The following DBF4B variants were observed in gnomAD, a reference collection of about 807,000 sequenced individuals.
The protein encoded by DBF4B is protein DBF4 homolog B.
Under a neutral mutation model 53.4 loss-of-function variants are expected in DBF4B, and 49 were observed. That is an observed-to-expected ratio of 0.92 (90% CI 0.73 to 1.16). The LOEUF is 1.16. Ranked by LOEUF, DBF4B falls within the 50% of genes most tolerant of loss-of-function variation. The pLI, the probability that DBF4B is intolerant of heterozygous loss-of-function variation, is 0.00. For synonymous variants in DBF4B, 257 were observed against 288.7 expected, an observed-to-expected ratio of 0.89 and a Z score of 1.11; for missense variants, 692 against 775.0, an observed-to-expected ratio of 0.89 and a Z score of 1.27.
In DBF4B at chr17:44,752,068, CGGCAGATGT is replaced by C; in HGVS notation, c.*817_*825del. 1 of 1,373,262 alleles carries C rather than the reference CGGCAGATGT, an allele frequency of 7.3e-7. No homozygotes were observed. Among genetic ancestry groups the C allele is most frequent in the Non-Finnish European group, 1.0e-6 (1 of 999,406 alleles). 85.1% of individuals were successfully genotyped at this position (1,373,262 alleles called of 1,614,324 possible). On this transcript the variant is annotated 3_prime_UTR_variant, in exon 14 of 14. Transcript: ENST00000315005. ...TCTTCTCGCTGAGCCTTTCACTTCT[CGGCAGATGT>C]GACCGATTGGTAGCTCCACCCCAAC...
At chr17:44,718,885 C>T (rs1043500191) in intron 2 of DBF4B, 7 of 151,478 alleles carry the variant, frequency 4.6e-5, no homozygotes, top group African/African-American at 1.7e-4. Flanking sequence ...CACTTCAACC[C>T]GGGAGACAGA....
At chr17:44,731,946 T>G (rs895938033) in intron 5 of DBF4B, 3 of 518,038 alleles carry the variant, frequency 5.8e-6, no homozygotes, top group Non-Finnish European at 3.5e-6. Flanking sequence ...CAGAGCACAA[T>G]GTATAGGCAG....
chr17:44,744,039 A>T (rs1976338208), intron 10 of DBF4B, among the ~76,000 whole-genome samples: 1 of 131,572 alleles, frequency 7.6e-6, no homozygotes, highest in South Asian at 2.5e-4. Flanking sequence ...GATCACTTTG[A>T]GGCCAGGAGT....
In DBF4B at chr17:44,750,913, T is replaced by G; in HGVS notation, c.1508T>G (p.Leu503Arg). 1.2e-6 allele frequency: 2 copies of G among 1,614,214 alleles called. No homozygotes were observed. The highest frequency in any genetic ancestry group is 2.7e-5 in the African/African-American group (2 of 75,042). ...PLLFPEARPWLMSARCWVRPF... is the reference protein window; with the variant it reads ...PLLFPEARPWRMSARCWVRPF... The stretch of plus-strand genomic sequence containing the variant: ...CTCTTCCCTGAAGCCAGACCGTGGC[T>G]TATGTCTGCACGCTGCTGGGTTCGT... Residue 503 changes from leucine to arginine, a missense_variant, in exon 14 of 14, where the codon CTT becomes CGT. By Grantham distance (102) the Leu-to-Arg change is moderately radical (BLOSUM62 -2). Around this residue, in one of 3 missense-constraint regions of DBF4B, gnomAD observed 597 missense variants for 665.8 expected, o/e 0.90. Coordinates refer to ENST00000315005, the MANE Select transcript of DBF4B (RefSeq NM_145663.3).
intron 6 of DBF4B, 108 bp downstream of exon 6, chr17:44,732,373 C>G: frequency 8.8e-7 from 1 of 1,132,042 alleles, no homozygotes; most frequent in Non-Finnish European, 1.3e-6. Context: ...CACCGGAAGC[C>G]AGAAATACTC....
intron 9 of DBF4B, among the ~76,000 whole-genome samples, chr17:44,740,324 T>C (rs1460942034): frequency 1.3e-5 from 2 of 152,202 alleles, no homozygotes; most frequent in Non-Finnish European, 2.9e-5. Flanking sequence ...CCCCAGAACA[T>C]GGACCATTGC....
chr17:44,711,388 G>T (rs1310732251), intron 2 of DBF4B, among the ~76,000 whole-genome samples: 1 of 152,062 alleles, frequency 6.6e-6, no homozygotes, highest in Non-Finnish European at 1.5e-5. Context: ...ATAGCTCACT[G>T]CAGCCTCAAA....
intron 3 of DBF4B, among the ~76,000 whole-genome samples, chr17:44,723,740 C>G (rs1240748821): frequency 6.7e-6 from 1 of 150,246 alleles, no homozygotes; most frequent in Admixed American, 6.7e-5. Flanking sequence ...GCCTGGGAGA[C>G]AGAGTGAGAC....
At chr17:44,731,131 G>C in intron 5 of DBF4B, 116 bp downstream of exon 5, 2 of 1,147,738 alleles carry the variant, frequency 1.7e-6, no homozygotes, top group Non-Finnish European at 1.3e-6. Context: ...GCGATATGTA[G>C]TATTGTCATT....
chr17:44,712,002 C>T (rs1598751873), intron 2 of DBF4B, among the ~76,000 whole-genome samples: 2 of 150,668 alleles, frequency 1.3e-5, no homozygotes, highest in African/African-American at 4.9e-5. Context: ...GAGGCTGAAG[C>T]AGGAGAATTG....
chr17:44,729,713 C>CAG (rs1390997960), intron 3 of DBF4B, among the ~76,000 whole-genome samples, 192 bp from the exon 4 acceptor site: 4 of 151,176 alleles, frequency 2.6e-5, no homozygotes, highest in African/African-American at 9.8e-5. Context: ...CACACACACA[C>CAG]ACACACACAC....
At position 44,722,906 on chromosome 17, in the gene DBF4B, C is replaced by T; in HGVS notation, c.109C>T (p.Gln37Ter). 3 of 1,614,106 alleles carry T rather than the reference C, an allele frequency of 1.9e-6. No individual in the cohort carries two copies. The highest frequency in any genetic ancestry group is 2.5e-6 in the Non-Finnish European group (3 of 1,180,012). ...LGVSRCLGKCQKNSPGARKHP... is the reference protein window; with the variant it reads ...LGVSRCLGKC ...AGTTTCCAGGTGTCTAGGAAAATGCCAGAAGAACTCACCAGGTGCCAGGAA... is the reference window on the plus strand; with the variant it reads ...AGTTTCCAGGTGTCTAGGAAAATGCTAGAAGAACTCACCAGGTGCCAGGAA... The change falls in exon 3 of 14, where the codon CAG becomes TAG. Residue 37 changes from glutamine to a stop codon, truncating the protein, a stop_gained. Transcript: ENST00000315005. LOFTEE classifies it high-confidence loss of function.
intron 3 of DBF4B, 93 bp from the exon 4 acceptor site, chr17:44,729,812 C>T (rs751155762): frequency 3.6e-6 from 5 of 1,393,708 alleles, no homozygotes; most frequent in Admixed American, 2.3e-5. Flanking sequence ...TTCTGGAACT[C>T]CTGGCAGCCA....
chr17:44,715,883 C>G (rs1292825104), intron 2 of DBF4B, among the ~76,000 whole-genome samples: 1 of 129,186 alleles, frequency 7.7e-6, no homozygotes, highest in Non-Finnish European at 1.5e-5. Flanking sequence ...AGTGCAATGG[C>G]GCGATCTCAG....
chr17:44,710,299 G>A (rs1474668145), intron 2 of DBF4B, among the ~76,000 whole-genome samples: 4 of 152,038 alleles, frequency 2.6e-5, no homozygotes, highest in East Asian at 1.9e-4. Context: ...CCCATCTCTT[G>A]TTGGTTTTTT....
chr17:44,736,934 C>CTCTGTGGCAGCATCTGCTCACTTT, intron 8 of DBF4B, 68 bp downstream of exon 8: 1 of 1,561,860 alleles, frequency 6.4e-7, no homozygotes, highest in South Asian at 1.1e-5. Context: ...CCACGACTCC[C>CTCTGTGGCAGCATCTGCTCACTTT]TCTGTGGCAG....
chr17:44,731,192 A>G (rs1974802595), intron 5 of DBF4B, 177 bp downstream of exon 5: 1 of 680,074 alleles, frequency 1.5e-6, no homozygotes, highest in Non-Finnish European at 2.5e-6. Flanking sequence ...TTATTTAGCC[A>G]TTCACCTAGA....
rs2049256008 is a variant in DBF4B, at chr17:44,750,579, T to G, written c.1190-16T>G. Reference sequence around the variant, plus strand: ...GGGCTGGAATGCCATATGTCGGTCCTTGATCTGCCCTCCAGTGACCCAAGG... The same window carrying G: ...GGGCTGGAATGCCATATGTCGGTCCGTGATCTGCCCTCCAGTGACCCAAGG... On this transcript the variant is annotated splice_polypyrimidine_tract_variant and intron_variant, in intron 13 of 13. Transcript: ENST00000315005. 2 of 1,590,234 alleles carry G rather than the reference T, an allele frequency of 1.3e-6. No individual in the cohort carries two copies.
intron 10 of DBF4B, among the ~76,000 whole-genome samples, chr17:44,743,511 G>A (rs747404534): frequency 6.6e-6 from 1 of 151,758 alleles, no homozygotes. Context: ...GAGGAGATCC[G>A]AGTGGTGCCT....
Sources: allele counts gnomAD v4.1 joint callset (sites outside exome capture counted in the v4.1 genomes callset), GRCh38; gene constraint gnomAD v4.1.1; regional missense constraint gnomAD v4.1.1; transcripts MANE v1.5; gene names NCBI Gene and HGNC (gene_info 2026-07-23, HGNC 2026-07-21).